MGAT4C: variants seen among roughly 807,000 people sequenced by gnomAD.
MGAT4C encodes the protein alpha-1,3-mannosyl-glycoprotein 4-beta-N-acetylglucosaminyltransferase C.
Under a neutral mutation model 40.1 loss-of-function variants are expected in MGAT4C, and 19 were observed. The ratio of observed to expected loss-of-function variants is 0.47; its 90% confidence interval spans 0.33 to 0.70. The LOEUF (loss-of-function observed/expected upper bound fraction) is 0.70. Among genes scored for constraint, MGAT4C ranks in the 30% least tolerant of loss-of-function variants. The pLI, the probability that MGAT4C is intolerant of heterozygous loss-of-function variation, is 0.02. For missense variants in MGAT4C, 491 were observed against 563.2 expected, an observed-to-expected ratio of 0.87 and a Z score of 1.30; for synonymous variants, 181 against 187.1, an observed-to-expected ratio of 0.97 and a Z score of 0.27.
intron 2 of MGAT4C, among the ~76,000 whole-genome samples, chr12:86,570,916 C>G (rs369103985): frequency 6.6e-6 from 1 of 152,036 alleles, no homozygotes; most frequent in South Asian, 2.1e-4. Flanking sequence ...TGGGTTTAAG[C>G]GATTCTCATG....
intron 1 of MGAT4C, among the ~76,000 whole-genome samples, chr12:86,773,419 A>G (rs1593193771): frequency 6.6e-6 from 1 of 152,272 alleles, no homozygotes; most frequent in East Asian, 1.9e-4. Flanking sequence ...TACAACCCTC[A>G]AAAATGTGAG....
intron 1 of MGAT4C, among the ~76,000 whole-genome samples, chr12:86,218,691 C>A (rs1464935574): frequency 6.6e-6 from 1 of 151,992 alleles, no homozygotes; most frequent in African/African-American, 2.4e-5. Flanking sequence ...CAATTTCAAG[C>A]AGAACAAGAA....
chr12:86,096,162 A>T (rs1293829945), intron 1 of MGAT4C, among the ~76,000 whole-genome samples: 1 of 151,742 alleles, frequency 6.6e-6, no homozygotes. Context: ...TGTTTTCCTT[A>T]TAAGTATTTC....
At chr12:86,028,069 T>A (rs1890395498) in intron 2 of MGAT4C, 1 of 1,205,626 alleles carries the variant, frequency 8.3e-7, no homozygotes, top group Admixed American at 2.3e-5. Flanking sequence ...CACATGCTGT[T>A]AAATCTTCCA....
chr12:86,163,610 C>A (rs1014542208), intron 1 of MGAT4C, among the ~76,000 whole-genome samples: 1 of 152,040 alleles, frequency 6.6e-6, no homozygotes, highest in African/African-American at 2.4e-5. Context: ...TTGAATAAAT[C>A]CATGTTATCA....
At chr12:86,123,605 T>G (rs1879795042) in intron 1 of MGAT4C, among the ~76,000 whole-genome samples, 1 of 152,158 alleles carries the variant, frequency 6.6e-6, no homozygotes, top group South Asian at 2.1e-4. Context: ...TACTAGCTAC[T>G]GTTTTAAGAC....
chr12:86,392,344 C>T (rs917303387), intron 3 of MGAT4C, among the ~76,000 whole-genome samples: 2 of 152,006 alleles, frequency 1.3e-5, no homozygotes, highest in African/African-American at 2.4e-5. Context: ...TGGTGGCATG[C>T]ACCTGTAATC....
chr12:86,816,843 T>C (rs1250526567), intron 1 of MGAT4C, among the ~76,000 whole-genome samples: 2 of 151,542 alleles, frequency 1.3e-5, no homozygotes, highest in Non-Finnish European at 3.0e-5. Flanking sequence ...TTTATTTTGC[T>C]TATTTTTATT....
chr12:86,774,355 C>CCTCTCT (rs954748418), intron 1 of MGAT4C, among the ~76,000 whole-genome samples: 1 of 20,402 alleles, frequency 4.9e-5, no homozygotes, highest in Non-Finnish European at 1.7e-4. Flanking sequence ...CTCTCTCTCC[C>CCTCTCT]CTCTCTCTCT....
At chr12:86,303,865 TTCTC>T (rs1217940470) in intron 4 of MGAT4C, among the ~76,000 whole-genome samples, 2 of 150,572 alleles carry the variant, frequency 1.3e-5, no homozygotes, top group African/African-American at 5.0e-5. Flanking sequence ...GCCAATGTCT[TTCTC>T]TCTCCATCCC....
intron 1 of MGAT4C, among the ~76,000 whole-genome samples, chr12:86,146,762 G>A (rs1249232213): frequency 6.6e-6 from 1 of 151,764 alleles, no homozygotes; most frequent in South Asian, 2.1e-4. Flanking sequence ...CCATCATTGA[G>A]ATTCAAACCC....
upstream of MGAT4C, among the ~76,000 whole-genome samples, chr12:86,259,189 A>C (rs1952604128): frequency 6.6e-6 from 1 of 151,856 alleles, no homozygotes; most frequent in Non-Finnish European, 1.5e-5. Flanking sequence ...TTTTTTTGTG[A>C]TTTTTTAGTG....
At chr12:85,997,240 A>C (rs1592643527) in intron 2 of MGAT4C, among the ~76,000 whole-genome samples, 1 of 152,278 alleles carries the variant, frequency 6.6e-6, no homozygotes, top group African/African-American at 2.4e-5. Flanking sequence ...TGAGAACAGC[A>C]CAAGAAAGAC....
intron 1 of MGAT4C, among the ~76,000 whole-genome samples, chr12:86,758,356 A>G (rs749234791): frequency 5.4e-5 from 8 of 148,098 alleles, no homozygotes; most frequent in Non-Finnish European, 7.4e-5. Context: ...GCTAGGGAAC[A>G]TATTTTTATG....
At chr12:86,119,783 CAAACTCCTAAGTTT>C (rs1879074793) in intron 1 of MGAT4C, among the ~76,000 whole-genome samples, 1 of 147,582 alleles carries the variant, frequency 6.8e-6, no homozygotes, top group Non-Finnish European at 1.5e-5. Context: ...CGGCTGAACT[CAAACTCCTAAGTTT>C]AAGCAATCCT....
intron 3 of MGAT4C, among the ~76,000 whole-genome samples, chr12:86,367,565 T>G (rs1043543173): frequency 6.6e-6 from 1 of 152,150 alleles, no homozygotes; most frequent in Non-Finnish European, 1.5e-5. Context: ...TTTGGGAGGC[T>G]GAGGTGGGTG....
intron 2 of MGAT4C, among the ~76,000 whole-genome samples, chr12:86,683,521 C>T (rs1400352351): frequency 6.6e-6 from 1 of 152,002 alleles, no homozygotes; most frequent in African/African-American, 2.4e-5. Flanking sequence ...CTTGTTCAAT[C>T]CAAACTAAAT....
chr12:86,611,086 A>C (rs1483354621), intron 2 of MGAT4C, among the ~76,000 whole-genome samples: 1 of 152,132 alleles, frequency 6.6e-6, no homozygotes, highest in East Asian at 1.9e-4. Flanking sequence ...AATGTACAGC[A>C]CTTGGAGGCT....
intron 1 of MGAT4C, among the ~76,000 whole-genome samples, chr12:86,208,706 T>C (rs188605303): frequency 6.6e-6 from 1 of 152,244 alleles, no homozygotes; most frequent in African/African-American, 2.4e-5. Context: ...AGTCCAATTT[T>C]TGCTTTGATA....
Sources: allele counts gnomAD v4.1 joint callset (sites outside exome capture counted in the v4.1 genomes callset), GRCh38; gene constraint gnomAD v4.1.1; transcripts MANE v1.5; gene names NCBI Gene and HGNC (gene_info 2026-07-23, HGNC 2026-07-21).